SNUPN: variants seen among roughly 807,000 people sequenced by gnomAD.
The protein encoded by SNUPN is snurportin-1.
In SNUPN, 31 loss-of-function variants were observed where a neutral mutation model predicts 39.2. The ratio of observed to expected loss-of-function variants is 0.79; its 90% CI spans 0.59 to 1.07. The LOEUF is 1.07. Among genes scored for constraint, SNUPN ranks in the 50% least tolerant of loss-of-function variants. SNUPN has a pLI of 0.00. For missense variants in SNUPN, 382 were observed against 434.2 expected (o/e 0.88, Z 1.07); for synonymous variants, 132 against 159.0 (o/e 0.83, Z 1.28).
intron 3 of SNUPN, among the ~76,000 whole-genome samples, chr15:75,615,438 G>A (rs1056116014): frequency 1.3e-5 from 2 of 152,112 alleles, no homozygotes; most frequent in South Asian, 2.1e-4. Flanking sequence ...TCTGGGCCTC[G>A]TGCTCAGCCT....
At chr15:75,626,219 TAAC>T (rs1297278063), upstream of SNUPN, 1 of 152,272 alleles carries the variant, frequency 6.6e-6, no homozygotes, top group African/African-American at 2.4e-5. Flanking sequence ...CACTTGCCCT[TAAC>T]AAAAGCAGAT....
At chr15:75,603,054 A>T (rs570140704) in intron 7 of SNUPN, among the ~76,000 whole-genome samples, 14 of 137,390 alleles carry the variant, frequency 1.0e-4, no homozygotes, top group African/African-American at 3.8e-4. Context: ...TGGCCCAGGT[A>T]TTTTTTTTTT....
rs550669530 is a variant in SNUPN at position 75,612,385 on chromosome 15, T to C, written c.304-2391A>G. ...CTCTACTCCTCGCCTTACGTAATGC[T>C]ACCAGCCACATCTCCCTTCCTGACA... On this transcript the variant is annotated intron_variant, in intron 3 of 8. Coordinates refer to ENST00000308588, the MANE Select transcript of SNUPN (RefSeq NM_005701.4). Among the ~76,000 whole-genome samples the C allele has an allele frequency of 7.2e-5, 11 of 152,240 alleles. 1 individual carries two copies. The South Asian group carries it at 2.1e-3, about 29-fold the overall frequency.
At chr15:75,614,647 G>C (rs2141373096) in intron 3 of SNUPN, among the ~76,000 whole-genome samples, 1 of 152,228 alleles carries the variant, frequency 6.6e-6, no homozygotes. Context: ...GGTTTCTTTT[G>C]GGGATAAGGA....
At chr15:75,609,502 T>C in intron 5 of SNUPN, 56 bp downstream of exon 5, 1 of 1,485,030 alleles carries the variant, frequency 6.7e-7, no homozygotes. Flanking sequence ...AGTGGGTCTT[T>C]AAAGCAAATT....
intron 2 of SNUPN, among the ~76,000 whole-genome samples, chr15:75,619,841 C>T (rs993925105): frequency 3.3e-5 from 5 of 152,000 alleles, no homozygotes; most frequent in Admixed American, 3.3e-4. Context: ...CTCCACCTCC[C>T]GGGTTCAAGT....
intron 5 of SNUPN, among the ~76,000 whole-genome samples, chr15:75,607,941 C>CA (rs2141366746): frequency 6.6e-6 from 1 of 152,246 alleles, no homozygotes; most frequent in East Asian, 1.9e-4. Context: ...ACTGATGTGG[C>CA]ATGAGCAAAG....
intron 7 of SNUPN, 74 bp downstream of exon 7, chr15:75,605,076 G>A: frequency 2.3e-6 from 2 of 881,452 alleles, no homozygotes; most frequent in Non-Finnish European, 3.7e-6. Context: ...CATACATAAT[G>A]ATTATATTTA....
intron 6 of SNUPN, among the ~76,000 whole-genome samples, chr15:75,605,974 G>A (rs1289901979): frequency 2.0e-5 from 3 of 152,146 alleles, no homozygotes; most frequent in Admixed American, 6.6e-5. Context: ...GTGAAACGCC[G>A]TCTCTACTAA....
rs34924144 is a variant in SNUPN at position 75,604,157 on chromosome 15, C to CTTT, written c.678+990_678+992dup. On this transcript the variant is annotated intron_variant, in intron 7 of 8. Coordinates refer to ENST00000308588, the MANE Select transcript of SNUPN (RefSeq NM_005701.4). Reference sequence around the variant, plus strand: ...TAACTGGTTGTCCAATTCCCTTTAACTTTTTTTTTTTTTTTTTTTTTGTGA... The same window carrying CTTT: ...TAACTGGTTGTCCAATTCCCTTTAACTTTTTTTTTTTTTTTTTTTTTTTTGTGA... Among the ~76,000 whole-genome samples the CTTT allele has an allele frequency of 2.2e-3, 257 of 114,922 alleles. 3 individuals carry two copies. Among genetic ancestry groups the CTTT allele is most frequent in the East Asian group, 0.011 (46 of 4,040 alleles). 75.4% of individuals were successfully genotyped at this position (114,922 alleles called of 152,430 possible).
At chr15:75,599,955 C>T (rs1355236409) in intron 8 of SNUPN, among the ~76,000 whole-genome samples, 7 of 151,870 alleles carry the variant, frequency 4.6e-5, no homozygotes, top group Non-Finnish European at 4.4e-5. Context: ...AAGAGATTCT[C>T]CTGCCTCAAC....
At position 75,598,218 on chromosome 15, in the gene SNUPN, A is replaced by G; in HGVS notation, c.*140T>C. On this transcript the variant is annotated 3_prime_UTR_variant, in exon 9 of 9. Coordinates refer to ENST00000308588, the MANE Select transcript of SNUPN (RefSeq NM_005701.4). ...ACTGTTTGAGCCAGCATTTCAGATT[A>G]TAGATAAGCTGTTTCCAGCTGGACT... 1.5e-6 allele frequency: 1 copy of G among 651,800 alleles called. No individual in the cohort carries two copies. Among genetic ancestry groups the G allele is most frequent in the Non-Finnish European group, 2.6e-6 (1 of 384,620 alleles). 40.4% of individuals were successfully genotyped at this position (651,800 alleles called of 1,614,324 possible).
Position 75,599,836 on chromosome 15 carries a change from AT to A in SNUPN, c.760-1156del, listed in dbSNP as rs60918008. On this transcript the variant is annotated intron_variant, in intron 8 of 8. Coordinates refer to ENST00000308588, the MANE Select transcript of SNUPN (RefSeq NM_005701.4). ...GCAAATGCTTGCAGTGACTGGGCAG[AT>A]TTTTTTTTTTTTTTTTCTTTCTGAG... 9.6e-3 allele frequency among the ~76,000 whole-genome samples: 1,343 copies of A among 140,368 alleles called. 15 individuals are homozygous for A. Among genetic ancestry groups the A allele is most frequent in the African/African-American group, 0.023 (885 of 38,276 alleles). 92.1% of individuals were successfully genotyped at this position (140,368 alleles called of 152,430 possible). A position where few individuals can be genotyped will look rare whatever the true frequency, so the allele number is the denominator to read the frequency against.
intron 5 of SNUPN, among the ~76,000 whole-genome samples, chr15:75,608,996 C>T (rs1464208019): frequency 2.0e-5 from 3 of 151,706 alleles, no homozygotes; most frequent in Non-Finnish European, 4.4e-5. Flanking sequence ...AAAAATTAGC[C>T]GGGTGCAGCC....
At chr15:75,602,817 G>A (rs2075299677) in intron 7 of SNUPN, among the ~76,000 whole-genome samples, 1 of 151,978 alleles carries the variant, frequency 6.6e-6, no homozygotes, top group African/African-American at 2.4e-5. Flanking sequence ...GTGTTGCCCA[G>A]GCTGGTCTCA....
chr15:75,609,726 A>G, intron 4 of SNUPN, 75 bp from the exon 5 acceptor site: 1 of 1,246,716 alleles, frequency 8.0e-7, no homozygotes, highest in Non-Finnish European at 1.2e-6. Flanking sequence ...ATTCTGCAGG[A>G]ATGTTACTCG....
At chr15:75,615,032 T>G (rs1203432924) in intron 3 of SNUPN, among the ~76,000 whole-genome samples, 1 of 152,208 alleles carries the variant, frequency 6.6e-6, no homozygotes, top group African/African-American at 2.4e-5. Context: ...CCTTTCCCAC[T>G]TCTTATACTG....
chr15:75,617,708 A>C (rs1156825689), intron 2 of SNUPN, among the ~76,000 whole-genome samples, 156 bp from the exon 3 acceptor site: 2 of 151,830 alleles, frequency 1.3e-5, no homozygotes, highest in Non-Finnish European at 2.9e-5. Context: ...CAGCTTCCAC[A>C]GTAGGTGGGA....
At chr15:75,612,984 T>A (rs1718186214) in intron 3 of SNUPN, among the ~76,000 whole-genome samples, 1 of 152,084 alleles carries the variant, frequency 6.6e-6, no homozygotes, top group South Asian at 2.1e-4. Flanking sequence ...AAAACTCTTA[T>A]AATTCAATAA....
Sources: allele counts gnomAD v4.1 joint callset (sites outside exome capture counted in the v4.1 genomes callset), GRCh38; gene constraint gnomAD v4.1.1; transcripts MANE v1.5; gene names NCBI Gene and HGNC (gene_info 2026-07-23, HGNC 2026-07-21).